SPAG9: variants seen among roughly 807,000 people sequenced by gnomAD.
SPAG9 encodes the protein sperm associated antigen 9.
Under a neutral mutation model 166.5 loss-of-function variants are expected in SPAG9, and 35 were observed. The observed-to-expected ratio is 0.21, with a 90% CI of 0.16 to 0.28. The LOEUF (loss-of-function observed/expected upper bound fraction) is 0.28, where lower values mean the gene tolerates loss of function less well. SPAG9 is among the 10% of genes least tolerant of loss of function. The pLI is 1.00. For missense variants in SPAG9, 1,235 were observed against 1,603.3 expected (o/e 0.77, Z 3.92); for synonymous variants, 534 against 565.5 (o/e 0.94, Z 0.79).
chr17:51,055,121 G>A (rs1218005235), intron 3 of SPAG9, among the ~76,000 whole-genome samples: 1 of 152,142 alleles, frequency 6.6e-6, no homozygotes, highest in Admixed American at 6.6e-5. Flanking sequence ...GCCGAGGTGG[G>A]TGGATTGCCT....
intron 13 of SPAG9, among the ~76,000 whole-genome samples, chr17:51,000,146 G>A (rs2044868618): frequency 6.6e-6 from 1 of 152,118 alleles, no homozygotes; most frequent in Non-Finnish European, 1.5e-5. Flanking sequence ...ATCCTGAGGG[G>A]TCATTTTTCA....
chr17:51,108,702 G>T (rs1378986213), intron 1 of SPAG9, among the ~76,000 whole-genome samples: 18 of 152,072 alleles, frequency 1.2e-4, no homozygotes, highest in Non-Finnish European at 1.8e-4. Flanking sequence ...TCACTATGTT[G>T]CCCAGGCTGT....
Position 51,054,571 on chromosome 17 carries a change from G to A in SPAG9, c.495+1841C>T, listed in dbSNP as rs111567385. ...CCTGCCTCAGCCTCCCGAGTAGCTG[G>A]GACTATAGGCTCCCTCCATGATGCC... On this transcript the variant is annotated intron_variant, in intron 3 of 29. Coordinates refer to ENST00000262013, the MANE Select transcript of SPAG9 (RefSeq NM_001130528.3). Among the ~76,000 whole-genome samples the A allele has an allele frequency of 2.6e-3, 394 of 151,962 alleles. 1 individual carries two copies. The highest frequency in any genetic ancestry group is 9.0e-3 in the African/African-American group (375 of 41,440).
intron 2 of SPAG9, among the ~76,000 whole-genome samples, chr17:51,073,552 T>A (rs1020797529): frequency 1.3e-5 from 2 of 149,382 alleles, no homozygotes; most frequent in East Asian, 3.9e-4. Flanking sequence ...ATTGCAGATT[T>A]AAAAAAAAAC....
intron 1 of SPAG9, among the ~76,000 whole-genome samples, chr17:51,099,596 A>G (rs1172825056): frequency 2.0e-5 from 3 of 151,742 alleles, no homozygotes; most frequent in Non-Finnish European, 4.4e-5. Flanking sequence ...TGTTTGCTAC[A>G]TCAGCCAAGT....
chr17:51,020,010 T>C (rs1481521132), intron 8 of SPAG9, 149 bp downstream of exon 8: 1 of 604,226 alleles, frequency 1.7e-6, no homozygotes, highest in Non-Finnish European at 3.0e-6. Context: ...ATGTACAGTG[T>C]CCAGTTTCAA....
At chr17:51,082,244 G>A (rs2048184322) in intron 1 of SPAG9, among the ~76,000 whole-genome samples, 1 of 151,656 alleles carries the variant, frequency 6.6e-6, no homozygotes, top group Non-Finnish European at 1.5e-5. Context: ...GCATGGTGGT[G>A]CACGCCTGTA....
intron 6 of SPAG9, among the ~76,000 whole-genome samples, chr17:51,024,183 C>G (rs2046061361): frequency 6.6e-6 from 1 of 151,822 alleles, no homozygotes. Flanking sequence ...TTCCAGCTAC[C>G]CGGGAGGCAG....
At chr17:51,028,151 T>C (rs1028981214) in intron 6 of SPAG9, among the ~76,000 whole-genome samples, 4 of 152,018 alleles carry the variant, frequency 2.6e-5, no homozygotes, top group South Asian at 2.1e-4. Flanking sequence ...CTATACAATG[T>C]GTTTGTGTTT....
At chr17:51,049,844 C>G (rs1319193866) in intron 3 of SPAG9, among the ~76,000 whole-genome samples, 1 of 152,152 alleles carries the variant, frequency 6.6e-6, no homozygotes, top group African/African-American at 2.4e-5. Flanking sequence ...GTGATCCACC[C>G]GCCTTGGCCT....
At chr17:50,999,911 AAAAAT>A (rs2044856256) in intron 13 of SPAG9, among the ~76,000 whole-genome samples, 194 bp from the exon 14 acceptor site, 1 of 152,204 alleles carries the variant, frequency 6.6e-6, no homozygotes, top group Admixed American at 6.5e-5. Context: ...TTCTACTAAG[AAAAAT>A]AAAATATCAT....
chr17:50,977,147 T>C lies in SPAG9; in HGVS notation c.3484A>G (p.Thr1162Ala). 5 of 1,613,570 alleles carry C rather than the reference T, an allele frequency of 3.1e-6. No individual in the cohort carries two copies. Among genetic ancestry groups the C allele is most frequent in the Non-Finnish European group, 4.2e-6 (5 of 1,179,626 alleles). The change falls in exon 27 of 30, where the codon ACA (threonine) becomes GCA (alanine). Residue 1162 changes from threonine (T) to alanine (A), a missense_variant. Physicochemically the swap from Thr to Ala is moderately conservative, Grantham distance 58. Transcript: ENST00000262013. The stretch of plus-strand genomic sequence containing the variant: ...ATGGAGATAATGACACCATTTCCTG[T>C]CCCCACCCACAAACGATTACAAGAC... ...MVSCNRLWVGTGNGVIISIPL... is the reference protein window; with the variant it reads ...MVSCNRLWVGAGNGVIISIPL...
At chr17:51,041,284 A>C (rs1219321635) in intron 5 of SPAG9, among the ~76,000 whole-genome samples, 1 of 152,214 alleles carries the variant, frequency 6.6e-6, no homozygotes, top group African/African-American at 2.4e-5. Context: ...AATCAAGATG[A>C]TATAATGCTT....
At chr17:50,987,514 T>C (rs1975145740) in intron 21 of SPAG9, among the ~76,000 whole-genome samples, 1 of 151,158 alleles carries the variant, frequency 6.6e-6, no homozygotes, top group South Asian at 2.1e-4. Context: ...GCTTCAACTT[T>C]TAGTCAAAAA....
At chr17:51,076,735 TA>T (rs137873530) in intron 2 of SPAG9, among the ~76,000 whole-genome samples, 45,687 of 145,008 alleles carry the variant, frequency 0.32, 6,916 homozygotes, top group Admixed American at 0.37. Flanking sequence ...GACTCCGTCT[TA>T]AAAAAAAAAA....
intron 25 of SPAG9, among the ~76,000 whole-genome samples, chr17:50,981,481 TAAAGATAGATAG>T (rs1472417921): frequency 8.0e-6 from 1 of 124,652 alleles, no homozygotes; most frequent in African/African-American, 3.0e-5. Context: ...GATACACAGA[TAAAGATAGATAG>T]ATAGATAGAT....
At chr17:51,051,595 C>T (rs1268998094) in intron 3 of SPAG9, among the ~76,000 whole-genome samples, 1 of 152,128 alleles carries the variant, frequency 6.6e-6, no homozygotes, top group East Asian at 1.9e-4. Context: ...TGGCATGTGC[C>T]TATAGTCCCA....
At chr17:51,111,880 G>A (rs1294609755) in intron 1 of SPAG9, among the ~76,000 whole-genome samples, 3 of 152,090 alleles carry the variant, frequency 2.0e-5, no homozygotes, top group Non-Finnish European at 4.4e-5. Flanking sequence ...TGAAATTACA[G>A]GCATGAGCCA....
intron 11 of SPAG9, 73 bp downstream of exon 11, chr17:51,006,012 A>G: frequency 6.5e-7 from 1 of 1,527,436 alleles, no homozygotes; most frequent in Non-Finnish European, 8.9e-7. Context: ...TCTCAGTCTC[A>G]GGGTTACATC....
Sources: gnomAD v4.1 joint callset for allele counts (sites outside exome capture counted in the v4.1 genomes callset) on GRCh38, gnomAD v4.1.1 for gene constraint, MANE v1.5 for transcripts, NCBI Gene and HGNC (gene_info 2026-07-23, HGNC 2026-07-21) for gene names.